The following KIAA0232 variants were observed in gnomAD, a reference collection of about 807,000 sequenced individuals.
The protein encoded by KIAA0232 is uncharacterized protein KIAA0232.
KIAA0232 carries 27 observed loss-of-function variants against 122.0 expected under a neutral mutation model. The observed-to-expected ratio is 0.22, with a 90% CI of 0.16 to 0.31. The LOEUF (loss-of-function observed/expected upper bound fraction) is 0.31. Ranked by LOEUF, KIAA0232 falls within the 10% of genes least tolerant of loss-of-function variation. The pLI is 1.00. For missense variants in KIAA0232, 1,551 were observed against 1,634.2 expected (o/e 0.95, Z 0.88); for synonymous variants, 613 against 587.6 (o/e 1.04, Z -0.63).
At chr4:6,809,247 A>G (rs1717769927) in intron 2 of KIAA0232, among the ~76,000 whole-genome samples, 1 of 152,172 alleles carries the variant, frequency 6.6e-6, no homozygotes, top group African/African-American at 2.4e-5. Context: ...TGTTTCCTTA[A>G]TATTAACAGC....
In KIAA0232 at chr4:6,824,327, A is replaced by T. The variant is rs1718567051; in HGVS notation, c.-127A>T. ...TTTTAGGTGGCTGACTACCAGCAAA[A>T]ATAAATGCTTATCCTACATGTCAAG... On this transcript the variant is annotated 5_prime_UTR_variant, in exon 3 of 10. Transcript: ENST00000307659. 2.5e-6 allele frequency: 2 copies of T among 807,576 alleles called. No homozygotes were observed. Among genetic ancestry groups the T allele is most frequent in the Non-Finnish European group, 4.2e-6 (2 of 476,032 alleles). 50.0% of individuals were successfully genotyped at this position (807,576 alleles called of 1,614,324 possible).
intron 7 of KIAA0232, among the ~76,000 whole-genome samples, chr4:6,869,101 C>T (rs185937876): frequency 5.9e-5 from 9 of 152,292 alleles, no homozygotes; most frequent in South Asian, 2.1e-4. Flanking sequence ...AGCTTACAGT[C>T]GGGTTCTGCT....
At chr4:6,871,856 T>C (rs972333461) in intron 8 of KIAA0232, among the ~76,000 whole-genome samples, 174 bp downstream of exon 8, 8 of 152,228 alleles carry the variant, frequency 5.3e-5, no homozygotes, top group African/African-American at 1.7e-4. Context: ...GGCCCTGCTC[T>C]GAAACAGCCA....
At chr4:6,879,309 A>T (rs571784936) in intron 9 of KIAA0232, among the ~76,000 whole-genome samples, 1 of 152,322 alleles carries the variant, frequency 6.6e-6, no homozygotes, top group East Asian at 1.9e-4. Flanking sequence ...GCACAAAAAC[A>T]TCAGGCGCCG....
intron 1 of KIAA0232, among the ~76,000 whole-genome samples, chr4:6,789,979 T>C (rs1487506363): frequency 2.0e-5 from 3 of 151,860 alleles, no homozygotes; most frequent in African/African-American, 4.8e-5. Context: ...CAGTGAGCCA[T>C]GATTGCACCA....
intron 1 of KIAA0232, among the ~76,000 whole-genome samples, chr4:6,784,145 A>C (rs942189387): frequency 2.0e-5 from 3 of 151,874 alleles, no homozygotes; most frequent in Non-Finnish European, 2.9e-5. Context: ...GGCATGCGAG[A>C]TTCTTTGGAA....
chr4:6,818,306 C>T (rs1718234688), intron 2 of KIAA0232, among the ~76,000 whole-genome samples: 1 of 148,898 alleles, frequency 6.7e-6, no homozygotes, highest in South Asian at 2.1e-4. Context: ...GAGGCCGAGG[C>T]AGAGAATTTT....
chr4:6,817,883 C>A (rs142778926), intron 2 of KIAA0232, among the ~76,000 whole-genome samples: 1 of 152,040 alleles, frequency 6.6e-6, no homozygotes, highest in South Asian at 2.1e-4. Context: ...ACTGGTATGG[C>A]CTTTTGATAC....
At chr4:6,859,559 G>T (rs1423827394) in intron 6 of KIAA0232, among the ~76,000 whole-genome samples, 1 of 152,154 alleles carries the variant, frequency 6.6e-6, no homozygotes, top group East Asian at 1.9e-4. Context: ...ATAATATCAG[G>T]AGTTTAGTTA....
chr4:6,790,873 C>A (rs1043470319), intron 1 of KIAA0232, among the ~76,000 whole-genome samples: 4 of 142,092 alleles, frequency 2.8e-5, no homozygotes, highest in African/African-American at 7.8e-5. Context: ...TTTTGTTAAT[C>A]TTTTGCCAGT....
intron 4 of KIAA0232, among the ~76,000 whole-genome samples, chr4:6,845,954 G>T (rs1206016973): frequency 6.6e-6 from 1 of 152,194 alleles, no homozygotes; most frequent in Non-Finnish European, 1.5e-5. Flanking sequence ...CAAGGGAATG[G>T]TTGTGGCTTA....
chr4:6,880,411 G>GCACATGTTGGTTT (rs1188249815), intron 9 of KIAA0232, among the ~76,000 whole-genome samples: 1 of 150,548 alleles, frequency 6.6e-6, no homozygotes, highest in Admixed American at 6.7e-5. Context: ...ACTGCAACTG[G>GCACATGTTGGTTT]CACATGTTGG....
intron 2 of KIAA0232, among the ~76,000 whole-genome samples, chr4:6,817,089 G>A (rs1718167501): frequency 6.6e-6 from 1 of 151,990 alleles, no homozygotes; most frequent in South Asian, 2.1e-4. Context: ...GCTTAGTTTA[G>A]GCTTCGTTTG....
intron 3 of KIAA0232, among the ~76,000 whole-genome samples, chr4:6,829,713 G>C (rs1718870098): frequency 6.6e-6 from 1 of 152,176 alleles, no homozygotes; most frequent in Non-Finnish European, 1.5e-5. Flanking sequence ...CAACACATTT[G>C]TTACATTAGT....
At chr4:6,856,232 A>G (rs986495054) in intron 4 of KIAA0232, among the ~76,000 whole-genome samples, 1 of 152,212 alleles carries the variant, frequency 6.6e-6, no homozygotes, top group African/African-American at 2.4e-5. Flanking sequence ...TAGTGAGGGC[A>G]CTGGCTTAGC....
intron 1 of KIAA0232, among the ~76,000 whole-genome samples, chr4:6,804,067 C>T (rs1717506156): frequency 6.6e-6 from 1 of 152,136 alleles, no homozygotes; most frequent in Admixed American, 6.6e-5. Context: ...AGAAATATAT[C>T]TATTTTATTT....
intron 2 of KIAA0232, among the ~76,000 whole-genome samples, chr4:6,815,057 C>A (rs369769001): frequency 4.2e-4 from 62 of 148,858 alleles, no homozygotes; most frequent in African/African-American, 7.8e-4. Flanking sequence ...AAAAAAAAAA[C>A]ACTTGATATA....
chr4:6,867,480 CTT>C (rs1213721662), intron 7 of KIAA0232, among the ~76,000 whole-genome samples: 3 of 152,160 alleles, frequency 2.0e-5, no homozygotes, highest in Non-Finnish European at 4.4e-5. Flanking sequence ...CACAGTGTGC[CTT>C]GGTATCTGGA....
intron 7 of KIAA0232, 108 bp from the exon 8 acceptor site, chr4:6,871,466 C>T (rs1483721889): frequency 1.5e-6 from 1 of 654,204 alleles, no homozygotes; most frequent in African/African-American, 1.8e-5. Flanking sequence ...AAAAACCTCA[C>T]CAGTTTAAAA....
Sources: gnomAD v4.1 joint callset for allele counts (sites outside exome capture counted in the v4.1 genomes callset) on GRCh38, gnomAD v4.1.1 for gene constraint, MANE v1.5 for transcripts, NCBI Gene and HGNC (gene_info 2026-07-23, HGNC 2026-07-21) for gene names.